Variants in HCN1 observed in about 807,000 individuals in gnomAD.
The protein encoded by HCN1 is hyperpolarization activated cyclic nucleotide gated potassium channel 1.
In HCN1, 13 loss-of-function variants were observed where a neutral mutation model predicts 78.9. The ratio of observed to expected loss-of-function variants is 0.16; its 90% CI spans 0.11 to 0.26. The LOEUF is 0.26. Ranked by LOEUF, HCN1 falls within the 10% of genes least tolerant of loss-of-function variation. HCN1 has a pLI of 1.00. For synonymous variants in HCN1, 552 were observed against 455.5 expected (o/e 1.21, Z -2.70); for missense variants, 810 against 1,154.3 (o/e 0.70, Z 4.32).
intron 4 of HCN1, among the ~76,000 whole-genome samples, chr5:45,394,778 T>C (rs1173604797): frequency 6.6e-6 from 1 of 151,972 alleles, no homozygotes. Flanking sequence ...ATTGCACCAC[T>C]GCACTCCAGC....
intron 2 of HCN1, among the ~76,000 whole-genome samples, chr5:45,513,007 T>C (rs748418459): frequency 6.6e-6 from 1 of 152,156 alleles, no homozygotes; most frequent in African/African-American, 2.4e-5. Flanking sequence ...CATATTTTAA[T>C]AATGTACAGT....
At chr5:45,686,614 G>C (rs544996098) in intron 1 of HCN1, among the ~76,000 whole-genome samples, 1 of 144,148 alleles carries the variant, frequency 6.9e-6, no homozygotes, top group South Asian at 2.2e-4. Flanking sequence ...CCCTTTTTTA[G>C]ACACCTTTAG....
chr5:45,676,985 A>T (rs190037226), intron 1 of HCN1, among the ~76,000 whole-genome samples: 126 of 151,834 alleles, frequency 8.3e-4, no homozygotes, highest in African/African-American at 3.0e-3. Context: ...ATGATTCAAA[A>T]TTTTTTTCAG....
chr5:45,584,123 G>C (rs1744148771), intron 2 of HCN1, among the ~76,000 whole-genome samples: 1 of 152,192 alleles, frequency 6.6e-6, no homozygotes, highest in Admixed American at 6.5e-5. Context: ...AATGTTGACA[G>C]TGGGGTGTTA....
At chr5:45,298,936 G>A (rs1745552072) in intron 6 of HCN1, among the ~76,000 whole-genome samples, 1 of 152,022 alleles carries the variant, frequency 6.6e-6, no homozygotes, top group South Asian at 2.1e-4. Context: ...ATGATGTGAT[G>A]AGAATGGTAC....
Position 45,671,015 on chromosome 5 carries a change from T to C in HCN1, c.425+24654A>G, listed in dbSNP as rs565378258. On this transcript the variant is annotated intron_variant, in intron 1 of 7. Transcript: ENST00000303230. ...TTATACAATCAAATTATTTTTAATA[T>C]AACACCAAGAGCTTTAATTCCTTGA... Among the ~76,000 whole-genome samples the C allele has an allele frequency of 2.6e-5, 4 of 151,880 alleles. 1 individual carries two copies. The South Asian group carries it at 8.3e-4, about 31-fold the overall frequency.
rs952017842 is a variant in HCN1, at chr5:45,259,901, C to T, written c.*2020G>A. ...GATATGTAAATGGTCTTGCAGCTTT[C>T]CCATAGGTTCTAGGTAGACTGAACA... On this transcript the variant is annotated 3_prime_UTR_variant, in exon 8 of 8. Transcript: ENST00000303230. 1.3e-5 allele frequency: 2 copies of T among 152,488 alleles called. No homozygotes were observed. Among genetic ancestry groups the T allele is most frequent in the Non-Finnish European group, 2.9e-5 (2 of 68,006 alleles). 9.4% of individuals were successfully genotyped at this position (152,488 alleles called of 1,614,324 possible). A position where few individuals can be genotyped will look rare whatever the true frequency, so the allele number is the denominator to read the frequency against.
intron 1 of HCN1, among the ~76,000 whole-genome samples, chr5:45,679,091 T>C (rs1367966488): frequency 6.6e-6 from 1 of 152,046 alleles, no homozygotes; most frequent in East Asian, 1.9e-4. Context: ...GACTAAGTCA[T>C]TGGATCAGCA....
intron 2 of HCN1, among the ~76,000 whole-genome samples, chr5:45,531,489 T>C (rs1742849738): frequency 1.3e-5 from 2 of 152,202 alleles, no homozygotes; most frequent in South Asian, 4.1e-4. Flanking sequence ...ACTAGTCCCG[T>C]GTTTTTAAAG....
chr5:45,650,449 G>T (rs911164573), intron 1 of HCN1, among the ~76,000 whole-genome samples: 2 of 151,952 alleles, frequency 1.3e-5, no homozygotes, highest in Non-Finnish European at 2.9e-5. Context: ...TGAAGGGGAT[G>T]GAGAAAGAAA....
chr5:45,402,014 G>C (rs866800162), intron 3 of HCN1, among the ~76,000 whole-genome samples: 4 of 152,088 alleles, frequency 2.6e-5, no homozygotes, highest in East Asian at 3.9e-4. Flanking sequence ...TCTAAAACAC[G>C]AAGTTTGATG....
At chr5:45,453,963 C>A (rs896946683) in intron 3 of HCN1, among the ~76,000 whole-genome samples, 1 of 151,964 alleles carries the variant, frequency 6.6e-6, no homozygotes, top group Non-Finnish European at 1.5e-5. Context: ...ATGAATAGTG[C>A]TTCTTCTGCT....
At chr5:45,536,524 A>C (rs1408851712) in intron 2 of HCN1, among the ~76,000 whole-genome samples, 5 of 152,034 alleles carry the variant, frequency 3.3e-5, no homozygotes, top group Non-Finnish European at 7.4e-5. Context: ...TTTTCATTTC[A>C]TTCTTTTCAT....
chr5:45,511,918 C>T (rs560131973), intron 2 of HCN1, among the ~76,000 whole-genome samples: 1 of 152,112 alleles, frequency 6.6e-6, no homozygotes, highest in South Asian at 2.1e-4. Flanking sequence ...TATATTTACA[C>T]ATTTTTGGCA....
intron 4 of HCN1, among the ~76,000 whole-genome samples, chr5:45,374,183 T>C (rs1189741501): frequency 9.7e-5 from 12 of 123,240 alleles, no homozygotes; most frequent in African/African-American, 2.8e-4. Flanking sequence ...ATATATTATA[T>C]ATTATATACA....
intron 3 of HCN1, among the ~76,000 whole-genome samples, chr5:45,415,614 CAG>C (rs2079444203): frequency 6.6e-6 from 1 of 152,060 alleles, no homozygotes; most frequent in African/African-American, 2.4e-5. Flanking sequence ...ACACTTTTAA[CAG>C]TGTTTCAAGA....
chr5:45,554,702 C>T (rs1743437955), intron 2 of HCN1, among the ~76,000 whole-genome samples: 2 of 151,798 alleles, frequency 1.3e-5, no homozygotes, highest in South Asian at 2.1e-4. Flanking sequence ...CCAGTCATAT[C>T]GGGCAAGGAG....
intron 3 of HCN1, among the ~76,000 whole-genome samples, chr5:45,422,003 C>T (rs1479472254): frequency 6.6e-6 from 1 of 152,188 alleles, no homozygotes; most frequent in Non-Finnish European, 1.5e-5. Flanking sequence ...CTGATCTTTT[C>T]CCACTTTCTG....
At chr5:45,347,661 A>G (rs1251729907) in intron 5 of HCN1, among the ~76,000 whole-genome samples, 1 of 152,194 alleles carries the variant, frequency 6.6e-6, no homozygotes, top group Non-Finnish European at 1.5e-5. Flanking sequence ...AATATAGAGA[A>G]GTGCTTAAAG....
Sources: gnomAD v4.1 joint callset for allele counts (sites outside exome capture counted in the v4.1 genomes callset) on GRCh38, gnomAD v4.1.1 for gene constraint, MANE v1.5 for transcripts, NCBI Gene and HGNC (gene_info 2026-07-23, HGNC 2026-07-21) for gene names.